The following PTGES variants were observed in gnomAD, a reference collection of about 807,000 sequenced individuals.
PTGES encodes the protein prostaglandin E synthase.
In PTGES, 3 loss-of-function variants were observed where a neutral mutation model predicts 11.8. That is an observed-to-expected ratio of 0.25 (90% CI 0.12 to 0.66). The LOEUF (loss-of-function observed/expected upper bound fraction) is 0.66, where lower values mean the gene tolerates loss of function less well. Among genes scored for constraint, PTGES ranks in the 30% least tolerant of loss-of-function variants. The pLI, the probability that PTGES is intolerant of heterozygous loss-of-function variation, is 0.82. For missense variants in PTGES, 180 were observed against 213.0 expected, an observed-to-expected ratio of 0.85 and a Z score of 0.96; for synonymous variants, 94 against 90.4, an observed-to-expected ratio of 1.04 and a Z score of -0.22.
At chr9:129,748,217 A>T (rs1833066844) in intron 2 of PTGES, among the ~76,000 whole-genome samples, 1 of 126,608 alleles carries the variant, frequency 7.9e-6, no homozygotes, top group African/African-American at 3.0e-5. Flanking sequence ...TGCCATATTA[A>T]AAAAAAAAAA....
At position 129,745,405 on chromosome 9, in the gene PTGES, G is replaced by C. The variant is rs1364404485; in HGVS notation, c.209+3250C>G. 6.6e-6 allele frequency among the ~76,000 whole-genome samples: 1 copy of C among 152,188 alleles called. No homozygotes were observed. The highest frequency in any genetic ancestry group is 1.5e-5 in the Non-Finnish European group (1 of 68,032). The stretch of plus-strand genomic sequence containing the variant: ...TTCCTATTTGACAGAAGGGTGACTC[G>C]AATCATACCATAAACCCTGGTCTAA... On this transcript the variant is annotated intron_variant, in intron 2 of 2. Transcript: ENST00000340607. This position sits in a 1 kb window ranked among gnomAD's most constrained non-coding sequence, Gnocchi z 4.2.
At chr9:129,746,318 A>G (rs560508001) in intron 2 of PTGES, among the ~76,000 whole-genome samples, 8 of 151,882 alleles carry the variant, frequency 5.3e-5, no homozygotes, top group Non-Finnish European at 8.8e-5. Context: ...ATCCTTCTCC[A>G]CTGTCCAGGA....
At position 129,752,961 on chromosome 9, in the gene PTGES, G is replaced by A. The variant is rs764235565; in HGVS notation, c.52C>T (p.Leu18Phe). Reference protein sequence around the residue: ...MSSPALPAFLLCSTLLVIKMY... With the variant: ...MSSPALPAFLFCSTLLVIKMY... ...TTGATGACCAGCAGCGTGCTGCAGA[G>A]CAGGAAGGCCGGGAGGGCCGGGCTG... The change falls in exon 1 of 3, where the codon CTC becomes TTC. Residue 18 changes from leucine (L) to phenylalanine (F), a missense_variant. By Grantham distance (22) the Leu-to-Phe change is conservative (BLOSUM62 0). Transcript: ENST00000340607. 7 of 1,612,222 alleles carry A rather than the reference G, an allele frequency of 4.3e-6. No individual in the cohort carries two copies. In the Admixed American group the frequency reaches 5.0e-5, roughly 12 times the overall value.
intron 2 of PTGES, among the ~76,000 whole-genome samples, chr9:129,746,985 T>A (rs2130953229): frequency 6.6e-6 from 1 of 152,376 alleles, no homozygotes. Flanking sequence ...CAATCTTGGC[T>A]TACTGCAACC....
intron 2 of PTGES, among the ~76,000 whole-genome samples, chr9:129,744,006 G>A (rs891350890): frequency 1.3e-5 from 2 of 152,086 alleles, no homozygotes; most frequent in South Asian, 2.1e-4. Context: ...GCCCCACCAC[G>A]CCTGGTTAAT....
rs1420334817 is a variant in PTGES, at chr9:129,745,765, C to T, written c.209+2890G>A. On this transcript the variant is annotated intron_variant, in intron 2 of 2. Coordinates refer to ENST00000340607, the MANE Select transcript of PTGES (RefSeq NM_004878.5). The surrounding 1 kb of genome is among the most constrained non-coding windows in gnomAD (Gnocchi z 4.2). ...TTATTTTGGGCTGGGCGCAATGGCT[C>T]ACGCCTGTAATCCCAGCACTTTGGA... 6.6e-6 allele frequency among the ~76,000 whole-genome samples: 1 copy of T among 152,186 alleles called. No homozygotes were observed. Among genetic ancestry groups the T allele is most frequent in the Admixed American group, 6.5e-5 (1 of 15,276 alleles).
Position 129,745,265 on chromosome 9 carries a change from A to T in PTGES, c.209+3390T>A, listed in dbSNP as rs757556673. On this transcript the variant is annotated intron_variant, in intron 2 of 2. Transcript: ENST00000340607. The surrounding 1 kb of genome is among the most constrained non-coding windows in gnomAD (Gnocchi z 4.2). The stretch of plus-strand genomic sequence containing the variant: ...ACATTGCCGGGAACTCCGGATAGGT[A>T]TCCTGAAAAGGTGGCTAGTCCCTGG... Among the ~76,000 whole-genome samples the T allele has an allele frequency of 6.6e-6, 1 of 152,214 alleles. No homozygotes were observed. Among genetic ancestry groups the T allele is most frequent in the Non-Finnish European group, 1.5e-5 (1 of 68,040 alleles).
chr9:129,749,266 G>C (rs974535622), intron 1 of PTGES, among the ~76,000 whole-genome samples: 3 of 151,570 alleles, frequency 2.0e-5, no homozygotes, highest in African/African-American at 7.3e-5. Context: ...TGTGAGCCAA[G>C]CACTTTGGGA....
intron 2 of PTGES, among the ~76,000 whole-genome samples, chr9:129,746,265 C>T (rs546427344): frequency 6.6e-6 from 1 of 152,262 alleles, no homozygotes; most frequent in South Asian, 2.1e-4. Flanking sequence ...TGGCCCCGGG[C>T]AACCCACCGT....
chr9:129,747,013 T>C (rs966730032), intron 2 of PTGES, among the ~76,000 whole-genome samples: 23 of 152,140 alleles, frequency 1.5e-4, no homozygotes, highest in Non-Finnish European at 2.8e-4. Context: ...CCTGGGTTCA[T>C]GCCATTCTCC....
chr9:129,743,416 T>C (rs1052375646), intron 2 of PTGES, among the ~76,000 whole-genome samples: 28 of 152,110 alleles, frequency 1.8e-4, no homozygotes, highest in African/African-American at 6.5e-4. Context: ...ATAATAACCA[T>C]TTTTTTAAGG....
intron 2 of PTGES, among the ~76,000 whole-genome samples, chr9:129,740,536 G>A (rs776865926): frequency 3.3e-5 from 5 of 152,164 alleles, no homozygotes; most frequent in African/African-American, 4.8e-5. Flanking sequence ...GCCAGCCCCC[G>A]GTGAAGCTCT....
At chr9:129,752,223 G>A (rs1427480267) in intron 1 of PTGES, among the ~76,000 whole-genome samples, 2 of 152,192 alleles carry the variant, frequency 1.3e-5, no homozygotes, top group African/African-American at 4.8e-5. Flanking sequence ...CAGGTGCCTG[G>A]GGTCTTTCTG....
Position 129,739,893 on chromosome 9 carries a change from T to C in PTGES, c.210-33A>G. 1 of 1,550,788 alleles carries C rather than the reference T, an allele frequency of 6.4e-7. No individual in the cohort carries two copies. Among genetic ancestry groups the C allele is most frequent in the Non-Finnish European group, 8.7e-7 (1 of 1,145,990 alleles). On this transcript the variant is annotated intron_variant, in intron 2 of 2. Transcript: ENST00000340607. The surrounding 1 kb of genome is among the most constrained non-coding windows in gnomAD (Gnocchi z 5.7). ...GACAAGAGGGGTGCGGTCAGCCAGG[T>C]ATTAGCTTTGGGGCCATAGGCCCTT...
chr9:129,747,054 G>A (rs1833054504), intron 2 of PTGES, among the ~76,000 whole-genome samples: 1 of 152,086 alleles, frequency 6.6e-6, no homozygotes, highest in Non-Finnish European at 1.5e-5. Context: ...CTGGGACTAC[G>A]GGCCCGTGCC....
intron 2 of PTGES, among the ~76,000 whole-genome samples, chr9:129,742,259 A>G (rs1209702650): frequency 1.1e-4 from 15 of 138,698 alleles, no homozygotes; most frequent in African/African-American, 3.7e-4. Flanking sequence ...TGGGAGGTGG[A>G]GGTTGCAGTG....
chr9:129,751,908 T>C (rs1251118361), intron 1 of PTGES, among the ~76,000 whole-genome samples: 1 of 152,220 alleles, frequency 6.6e-6, no homozygotes, highest in Non-Finnish European at 1.5e-5. Context: ...TGAATGCAGC[T>C]GTTCTACTTG....
At chr9:129,743,703 G>T (rs1833023011) in intron 2 of PTGES, among the ~76,000 whole-genome samples, 1 of 152,184 alleles carries the variant, frequency 6.6e-6, no homozygotes, top group Non-Finnish European at 1.5e-5. Context: ...TGCCTGCTTC[G>T]TTTCAAAGGC....
At chr9:129,747,599 C>A (rs1833059940) in intron 2 of PTGES, among the ~76,000 whole-genome samples, 1 of 152,164 alleles carries the variant, frequency 6.6e-6, no homozygotes, top group Non-Finnish European at 1.5e-5. Flanking sequence ...TATGCCAATA[C>A]AATGAGTTGT....
Sources: allele counts gnomAD v4.1 joint callset (sites outside exome capture counted in the v4.1 genomes callset), GRCh38; gene constraint gnomAD v4.1.1; non-coding constraint Gnocchi (gnomAD v3.1); transcripts MANE v1.5; gene names NCBI Gene and HGNC (gene_info 2026-07-23, HGNC 2026-07-21).